The following KREMEN1 variants were observed in gnomAD, a reference collection of about 807,000 sequenced individuals.
KREMEN1 encodes the protein kremen protein 1.
A neutral mutation model predicts 46.5 loss-of-function variants in KREMEN1; 30 were observed. The observed-to-expected ratio is 0.65, with a 90% CI of 0.48 to 0.88. The LOEUF (loss-of-function observed/expected upper bound fraction) is 0.88, where lower values mean the gene tolerates loss of function less well. KREMEN1 is among the 40% of genes least tolerant of loss of function. KREMEN1 has a pLI of 0.00. For synonymous variants in KREMEN1, 214 were observed against 230.6 expected, an observed-to-expected ratio of 0.93 and a Z score of 0.65; for missense variants, 533 against 596.9, an observed-to-expected ratio of 0.89 and a Z score of 1.11.
chr22:29,165,790 C>T (rs2039048324), intron 9 of KREMEN1, among the ~76,000 whole-genome samples: 1 of 152,164 alleles, frequency 6.6e-6, no homozygotes, highest in African/African-American at 2.4e-5. Context: ...GGACTCCAGG[C>T]GGCAAGACAT....
intron 3 of KREMEN1, chr22:29,111,478 G>C (rs1357712699): frequency 6.6e-6 from 1 of 151,978 alleles, no homozygotes; most frequent in East Asian, 1.9e-4. Flanking sequence ...GCCGGGCGTG[G>C]TGGCGGGCGC....
intron 3 of KREMEN1, among the ~76,000 whole-genome samples, chr22:29,108,804 G>T (rs1205414681): frequency 6.6e-6 from 1 of 152,176 alleles, no homozygotes; most frequent in Non-Finnish European, 1.5e-5. Flanking sequence ...TTTGTTGTTT[G>T]TTTGTGACAG....
rs2038424499 is a variant in KREMEN1 at position 29,125,340 on chromosome 22, T to C, written c.555T>C (p.Ser185=). The change falls in exon 5 of 9, where the codon AGT becomes AGC. Residue 185 remains serine, a synonymous_variant. Coordinates refer to ENST00000400335, the MANE Select transcript of KREMEN1 (RefSeq NM_001039570.3). Reference sequence around the variant, plus strand: ...ACTGGAAGTACGGGGAGGCAGCCAGTACCGAATGCAACAGCGTCTGCTTCG... The same window carrying C: ...ACTGGAAGTACGGGGAGGCAGCCAGCACCGAATGCAACAGCGTCTGCTTCG... ...PDYWKYGEAA[S]TECNSVCFGD... is the part of the protein sequence containing the mutation. 6.2e-7 allele frequency: 1 copy of C among 1,614,070 alleles called. No individual in the cohort carries two copies. Among genetic ancestry groups the C allele is most frequent in the African/African-American group, 1.3e-5 (1 of 74,916 alleles).
At chr22:29,103,196 T>C (rs1243410551) in intron 3 of KREMEN1, among the ~76,000 whole-genome samples, 1 of 152,220 alleles carries the variant, frequency 6.6e-6, no homozygotes, top group Non-Finnish European at 1.5e-5. Flanking sequence ...ATGATTAGTA[T>C]TGAACTTGTC....
intron 3 of KREMEN1, among the ~76,000 whole-genome samples, chr22:29,107,459 A>T (rs982902968): frequency 6.6e-6 from 1 of 151,906 alleles, no homozygotes; most frequent in African/African-American, 2.4e-5. Flanking sequence ...TGACCTTGTG[A>T]TTCGCCTGCC....
rs1166196472 is a variant in KREMEN1 at position 29,144,947 on chromosome 22, C to T, written c.*2835C>T. On this transcript the variant is annotated 3_prime_UTR_variant, in exon 9 of 9. Transcript: ENST00000400335. ...CCTGCCTCGCCCTGGCATGGCCCAG[C>T]GCCTCTAGGATCAACTTACGATCCG... is the stretch of plus-strand genomic sequence containing the variant. 24 of 985,432 alleles carry T rather than the reference C, an allele frequency of 2.4e-5. No individual in the cohort carries two copies. The highest frequency in any genetic ancestry group is 6.1e-5 in the Admixed American group (1 of 16,268). 61.0% of individuals were successfully genotyped at this position (985,432 alleles called of 1,614,324 possible).
At chr22:29,160,539 C>CAAAAAAAAAAAAAAAAAA (rs132303) in intron 9 of KREMEN1, among the ~76,000 whole-genome samples, 1 of 103,508 alleles carries the variant, frequency 9.7e-6, no homozygotes, top group African/African-American at 3.6e-5. Context: ...GACTCCGTCT[C>CAAAAAAAAAAAAAAAAAA]AAAAAAAAAA....
chr22:29,094,307 A>T lies in KREMEN1; in HGVS notation c.147A>T (p.Thr49=), dbSNP rs2037844385. ...ATTATAGGGGAACACAGAACTGGAC[A>T]GCACTACAAGGCGGGAAGCCATGTC... ...GADYRGTQNW[T]ALQGGKPCLF... is the part of the protein sequence containing the mutation. Residue 49 remains threonine, a synonymous_variant, in exon 2 of 9, where the codon ACA becomes ACT. Coordinates refer to ENST00000400335, the MANE Select transcript of KREMEN1 (RefSeq NM_001039570.3). 2 of 1,613,904 alleles carry T rather than the reference A, an allele frequency of 1.2e-6. No individual in the cohort carries two copies. The highest frequency in any genetic ancestry group is 2.7e-5 in the African/African-American group (2 of 74,914).
chr22:29,078,995 C>G (rs2037614633), intron 1 of KREMEN1, among the ~76,000 whole-genome samples: 1 of 152,224 alleles, frequency 6.6e-6, no homozygotes, highest in South Asian at 2.1e-4. Context: ...GAGGAGCAGT[C>G]TGAGGTCACT....
intron 1 of KREMEN1, among the ~76,000 whole-genome samples, chr22:29,082,814 AGCCTTCAAATAGTTC>A (rs1450132662): frequency 3.9e-5 from 6 of 152,210 alleles, no homozygotes; most frequent in Non-Finnish European, 5.9e-5. Flanking sequence ...CTAGACCCTG[AGCCTTCAAATAGTTC>A]GCCTTTTGTT....
At chr22:29,102,130 G>A (rs5752866) in intron 3 of KREMEN1, among the ~76,000 whole-genome samples, 15,524 of 152,022 alleles carry the variant, frequency 0.1, 1,129 homozygotes, top group East Asian at 0.32. Flanking sequence ...TCTTTGCATT[G>A]CCCTCTTTCT....
downstream of KREMEN1, among the ~76,000 whole-genome samples, chr22:29,148,777 GCA>G (rs1453357269): frequency 6.6e-6 from 1 of 152,052 alleles, no homozygotes. Context: ...AACCTGACTG[GCA>G]CACACAGACT....
rs2038862860 is a variant in KREMEN1, at chr22:29,146,361, C to A, written c.*4249C>A. On this transcript the variant is annotated 3_prime_UTR_variant, in exon 9 of 9. Transcript: ENST00000400335. ...CAGGGCTTCACCCTCTGCCTGCAGA[C>A]CCCTGGTGGGCACATCTCACAGGCT... is the stretch of plus-strand genomic sequence containing the variant. 1.0e-6 allele frequency: 1 copy of A among 985,914 alleles called. No individual in the cohort carries two copies. The highest frequency in any genetic ancestry group is 1.1e-4 in the East Asian group (1 of 8,814). The allele number at this position is 985,914 out of a possible 1,614,324, so 61.1% of individuals were successfully genotyped here. A position where few individuals can be genotyped will look rare whatever the true frequency, so the allele number is the denominator to read the frequency against.
chr22:29,091,403 G>A (rs1431187088), intron 1 of KREMEN1, among the ~76,000 whole-genome samples: 1 of 152,220 alleles, frequency 6.6e-6, no homozygotes, highest in Non-Finnish European at 1.5e-5. Flanking sequence ...CTATTGAGCT[G>A]CATCTCTGAT....
intron 3 of KREMEN1, among the ~76,000 whole-genome samples, chr22:29,111,965 A>G (rs1158941662): frequency 6.6e-6 from 1 of 152,182 alleles, no homozygotes; most frequent in East Asian, 1.9e-4. Context: ...GAGCAAAAGA[A>G]ATCAATTTGA....
intron 3 of KREMEN1, among the ~76,000 whole-genome samples, chr22:29,110,549 T>C (rs1198159544): frequency 1.3e-5 from 2 of 152,226 alleles, no homozygotes; most frequent in African/African-American, 2.4e-5. Flanking sequence ...ACTGCTGTGA[T>C]AGATCCTGGC....
downstream of KREMEN1, among the ~76,000 whole-genome samples, chr22:29,150,050 TC>T (rs35363477): frequency 0.015 from 2,299 of 152,318 alleles, 37 homozygotes; most frequent in Non-Finnish European, 0.021. Context: ...CGAGGTCGGG[TC>T]CCGATGGGGG....
intron 7 of KREMEN1, among the ~76,000 whole-genome samples, chr22:29,139,602 CAAAAA>C (rs1377929479): frequency 6.6e-6 from 1 of 151,578 alleles, no homozygotes; most frequent in Non-Finnish European, 1.5e-5. Flanking sequence ...GACCTTGTCT[CAAAAA>C]GAAAAGAGTA....
Position 29,098,846 on chromosome 22 carries a change from T to C in KREMEN1, c.261-16T>C, listed in dbSNP as rs777172413. On this transcript the variant is annotated splice_polypyrimidine_tract_variant and intron_variant, in intron 2 of 8. Coordinates refer to ENST00000400335, the MANE Select transcript of KREMEN1 (RefSeq NM_001039570.3). ...AAAACATCAGAAGTCATCAATTGTGTCCTTTTCCCCAACAGAAATCCAGAT... is the reference window on the plus strand; with the variant it reads ...AAAACATCAGAAGTCATCAATTGTGCCCTTTTCCCCAACAGAAATCCAGAT... The C allele has an allele frequency of 1.3e-6, 2 of 1,597,338 alleles. No individual in the cohort carries two copies. The highest frequency in any genetic ancestry group is 2.2e-5 in the South Asian group (2 of 90,750).
Sources: allele counts gnomAD v4.1 joint callset (sites outside exome capture counted in the v4.1 genomes callset), GRCh38; gene constraint gnomAD v4.1.1; transcripts MANE v1.5; gene names NCBI Gene and HGNC (gene_info 2026-07-23, HGNC 2026-07-21).